RPTOR: variants seen among roughly 807,000 people sequenced by gnomAD.
RPTOR encodes regulatory associated protein of MTOR complex 1.
In RPTOR, 21 loss-of-function variants were observed where a neutral mutation model predicts 169.9. The ratio of observed to expected loss-of-function variants is 0.12; its 90% CI spans 0.09 to 0.18. The LOEUF (loss-of-function observed/expected upper bound fraction) is 0.18, where lower values mean the gene tolerates loss of function less well. Ranked by LOEUF, RPTOR falls within the 10% of genes least tolerant of loss-of-function variation. The pLI, the probability that RPTOR is intolerant of heterozygous loss-of-function variation, is 1.00. For synonymous variants in RPTOR, 732 were observed against 753.2 expected (o/e 0.97, Z 0.46); for missense variants, 1,133 against 1,855.9 (o/e 0.61, Z 7.16).
At chr17:80,938,166 G>A (rs1183704021) in intron 24 of RPTOR, among the ~76,000 whole-genome samples, 4 of 152,348 alleles carry the variant, frequency 2.6e-5, no homozygotes, top group African/African-American at 4.8e-5. Context: ...TCCTGTCTCC[G>A]GGCGTCCTGT....
chr17:80,788,993 C>G lies in RPTOR; in HGVS notation c.831-2457C>G, dbSNP rs537607425. Among the ~76,000 whole-genome samples, 74 of 152,344 alleles carry G rather than the reference C, an allele frequency of 4.9e-4. 1 individual carries two copies. The highest frequency in any genetic ancestry group is 1.7e-3 in the African/African-American group (72 of 41,582). ...TTTTGGCTAAAATGAAGTTTGCATA[C>G]TATCAGTGACTGATATATCCATGCT... is the stretch of plus-strand genomic sequence containing the variant. On this transcript the variant is annotated intron_variant, in intron 6 of 33. Coordinates refer to ENST00000306801, the MANE Select transcript of RPTOR (RefSeq NM_020761.3).
At chr17:80,627,315 C>A (rs1393215464) in intron 2 of RPTOR, among the ~76,000 whole-genome samples, 2 of 152,162 alleles carry the variant, frequency 1.3e-5, no homozygotes, top group African/African-American at 4.8e-5. Context: ...ACACCATGCC[C>A]GGCCAAGATA....
intron 4 of RPTOR, chr17:80,709,031 A>T: frequency 8.1e-6 from 8 of 985,522 alleles, no homozygotes; most frequent in Non-Finnish European, 8.4e-6. Flanking sequence ...CAGGTGGTGA[A>T]GCAGTGTGGG....
chr17:80,711,985 C>A (rs1188411980), intron 4 of RPTOR, among the ~76,000 whole-genome samples: 1 of 152,110 alleles, frequency 6.6e-6, no homozygotes, highest in African/African-American at 2.4e-5. Context: ...CTCAAGTGAT[C>A]TGCCTGCCTT....
At position 80,884,827 on chromosome 17, in the gene RPTOR, T is replaced by A. The variant is rs572139536; in HGVS notation, c.1843-181T>A. Among the ~76,000 whole-genome samples the A allele has an allele frequency of 1.2e-4, 19 of 152,320 alleles. 1 individual carries two copies. The highest frequency in any genetic ancestry group is 3.4e-3 in the Middle Eastern group (1 of 294). ...GCCCCTGGAGCTGGGCGGCTGCCCC[T>A]GCTGCTCCCCACCTCCTTCCCCGTT... On this transcript the variant is annotated intron_variant, in intron 16 of 33. Transcript: ENST00000306801.
At chr17:80,719,725 G>A (rs1013119396) in intron 4 of RPTOR, among the ~76,000 whole-genome samples, 6 of 152,098 alleles carry the variant, frequency 3.9e-5, no homozygotes, top group East Asian at 1.9e-4. Context: ...GGTCAGGAGT[G>A]GGGGGAAGCG....
rs2143294879 is a variant in RPTOR, at chr17:80,746,074, A to T, written c.655-7936A>T. Among the ~76,000 whole-genome samples the T allele has an allele frequency of 6.6e-6, 1 of 152,094 alleles. No individual in the cohort carries two copies. Among genetic ancestry groups the T allele is most frequent in the South Asian group, 2.1e-4 (1 of 4,824 alleles). Reference sequence around the variant, plus strand: ...CTACTTGAGAGGCTGAGGCGGGAGAATCGCTTGAACCCAGGAGGTGGAGGT... The same window carrying T: ...CTACTTGAGAGGCTGAGGCGGGAGATTCGCTTGAACCCAGGAGGTGGAGGT... On this transcript the variant is annotated intron_variant, in intron 5 of 33. Coordinates refer to ENST00000306801, the MANE Select transcript of RPTOR (RefSeq NM_020761.3). This position sits in a 1 kb window ranked among gnomAD's most constrained non-coding sequence, Gnocchi z 4.5.
intron 25 of RPTOR, chr17:80,941,239 TGCA>T (rs2069022509): frequency 6.5e-6 from 1 of 152,764 alleles, no homozygotes; most frequent in African/African-American, 2.4e-5. Context: ...CTCTCCCAGC[TGCA>T]CCCGGGGTGG....
Position 80,707,546 on chromosome 17 carries a change from C to T in RPTOR, c.349-295C>T, listed in dbSNP as rs536535317. 1.7e-4 allele frequency among the ~76,000 whole-genome samples: 26 copies of T among 152,066 alleles called. No homozygotes were observed. The South Asian group carries it at 5.4e-3, about 32-fold the overall frequency. On this transcript the variant is annotated intron_variant, in intron 3 of 33. Coordinates refer to ENST00000306801, the MANE Select transcript of RPTOR (RefSeq NM_020761.3). This position sits in a 1 kb window ranked among gnomAD's most constrained non-coding sequence, Gnocchi z 5.0. ...GGGACTACAGGTGTGTGCCACCACACCTGGCTAATTTTTTTTTTTTTTAAT... is the reference window on the plus strand; with the variant it reads ...GGGACTACAGGTGTGTGCCACCACATCTGGCTAATTTTTTTTTTTTTTAAT...
chr17:80,631,222 G>A (rs1188791908), intron 2 of RPTOR, among the ~76,000 whole-genome samples: 1 of 152,112 alleles, frequency 6.6e-6, no homozygotes, highest in Non-Finnish European at 1.5e-5. Context: ...ATGTGTGCCT[G>A]TTCTTGTGGA....
chr17:80,638,006 G>A (rs1042415614), intron 2 of RPTOR, among the ~76,000 whole-genome samples: 7 of 152,270 alleles, frequency 4.6e-5, no homozygotes, highest in African/African-American at 1.7e-4. Flanking sequence ...TATATGTTAA[G>A]CATAGTGCCA....
At chr17:80,711,893 G>C (rs753568223) in intron 4 of RPTOR, among the ~76,000 whole-genome samples, 1 of 151,722 alleles carries the variant, frequency 6.6e-6, no homozygotes, top group Non-Finnish European at 1.5e-5. Flanking sequence ...ACAGGCGCCC[G>C]CCGCCACGCC....
chr17:80,876,584 C>T (rs75414299), intron 13 of RPTOR, among the ~76,000 whole-genome samples: 4 of 120,420 alleles, frequency 3.3e-5, no homozygotes, highest in African/African-American at 3.6e-5. Flanking sequence ...TGTCGCCTGC[C>T]GGGTCTTCCA....
At chr17:80,932,710 G>C (rs2068912993) in intron 24 of RPTOR, among the ~76,000 whole-genome samples, 1 of 152,144 alleles carries the variant, frequency 6.6e-6, no homozygotes, top group Non-Finnish European at 1.5e-5. Flanking sequence ...AAACAAACAG[G>C]ATTGCAGATC....
At chr17:80,623,747 G>A (rs2065372879) in intron 1 of RPTOR, among the ~76,000 whole-genome samples, 1 of 152,044 alleles carries the variant, frequency 6.6e-6, no homozygotes, top group Non-Finnish European at 1.5e-5. Flanking sequence ...TGTTGGCCAG[G>A]CTGATCTTGA....
intron 20 of RPTOR, among the ~76,000 whole-genome samples, chr17:80,903,670 CTTTTT>C (rs1185419742): frequency 1.3e-5 from 2 of 152,184 alleles, no homozygotes; most frequent in Admixed American, 6.5e-5. Context: ...AGTTTCCTTC[CTTTTT>C]TCCAAGGCAT....
intron 3 of RPTOR, among the ~76,000 whole-genome samples, chr17:80,691,723 T>C (rs1242554150): frequency 1.3e-5 from 2 of 152,192 alleles, no homozygotes; most frequent in South Asian, 2.1e-4. Context: ...GGAGTCTTGG[T>C]TTCCTTCCAT....
chr17:80,788,861 T>C (rs972599280), intron 6 of RPTOR, among the ~76,000 whole-genome samples: 4 of 152,222 alleles, frequency 2.6e-5, no homozygotes, highest in Admixed American at 2.0e-4. Flanking sequence ...CTTTGCCCAC[T>C]CTTTGACCTT....
chr17:80,830,145 T>C (rs1173969423), intron 9 of RPTOR, among the ~76,000 whole-genome samples: 1 of 152,188 alleles, frequency 6.6e-6, no homozygotes, highest in African/African-American at 2.4e-5. Flanking sequence ...TCCCACGCTA[T>C]AGGTGTACAC....
Sources: gnomAD v4.1 joint callset for allele counts (sites outside exome capture counted in the v4.1 genomes callset) on GRCh38, gnomAD v4.1.1 for gene constraint, Gnocchi (gnomAD v3.1) non-coding constraint, MANE v1.5 for transcripts, NCBI Gene and HGNC (gene_info 2026-07-23, HGNC 2026-07-21) for gene names.